SLC29A3: variants seen among roughly 807,000 people sequenced by gnomAD.
SLC29A3 encodes the protein solute carrier family 29 member 3.
Under a neutral mutation model 25.4 loss-of-function variants are expected in SLC29A3, and 18 were observed. That is an observed-to-expected ratio of 0.71 (90% confidence interval 0.49 to 1.05). The LOEUF is 1.05. SLC29A3 is among the 50% of genes least tolerant of loss of function. The pLI is 0.00. For synonymous variants in SLC29A3, 258 were observed against 267.1 expected, an observed-to-expected ratio of 0.97 and a Z score of 0.33; for missense variants, 586 against 609.0, an observed-to-expected ratio of 0.96 and a Z score of 0.40.
At chr10:71,344,090 T>A (rs1335160881) in intron 2 of SLC29A3, 119 bp from the exon 3 acceptor site, 3 of 847,604 alleles carry the variant, frequency 3.5e-6, no homozygotes, top group Admixed American at 1.8e-5. Context: ...CCACGGCTCC[T>A]GGGTGTCTGA....
At chr10:71,328,983 G>A (rs950602520) in intron 2 of SLC29A3, among the ~76,000 whole-genome samples, 1 of 152,212 alleles carries the variant, frequency 6.6e-6, no homozygotes, top group African/African-American at 2.4e-5. Flanking sequence ...GTGTTCAAAG[G>A]AAGCAGGATG....
chr10:71,333,110 C>T (rs1300337904), intron 2 of SLC29A3, among the ~76,000 whole-genome samples: 1 of 152,212 alleles, frequency 6.6e-6, no homozygotes, highest in African/African-American at 2.4e-5. Context: ...TGATTGATAT[C>T]ACAAGTGTCC....
intron 3 of SLC29A3, among the ~76,000 whole-genome samples, chr10:71,347,420 T>C (rs1846620774): frequency 6.6e-6 from 1 of 152,128 alleles, no homozygotes; most frequent in Admixed American, 6.5e-5. Context: ...AGCTGTCCTC[T>C]TGGCCATGCC....
intron 2 of SLC29A3, among the ~76,000 whole-genome samples, chr10:71,332,151 TC>T (rs375161628): frequency 9.9e-5 from 14 of 141,626 alleles, no homozygotes; most frequent in African/African-American, 3.0e-4. Flanking sequence ...TTCTTTTTTT[TC>T]TTTTTTTTTT....
intron 4 of SLC29A3, among the ~76,000 whole-genome samples, chr10:71,376,699 C>A (rs938529678): frequency 1.3e-5 from 2 of 152,190 alleles, no homozygotes; most frequent in Non-Finnish European, 2.9e-5. Flanking sequence ...AGCATAGATT[C>A]AAGTTTCCCT....
chr10:71,337,567 G>T (rs183388681), intron 2 of SLC29A3, among the ~76,000 whole-genome samples: 148 of 152,318 alleles, frequency 9.7e-4, no homozygotes, highest in Middle Eastern at 6.8e-3. Context: ...CTGCTTCCTG[G>T]AGGTGGGGGC....
intron 4 of SLC29A3, among the ~76,000 whole-genome samples, chr10:71,379,342 C>A (rs1036189792): frequency 3.9e-5 from 6 of 152,208 alleles, no homozygotes; most frequent in African/African-American, 1.2e-4. Context: ...GGGAGTCACC[C>A]ATGCTAAAGT....
At chr10:71,342,480 C>T (rs1846435987) in intron 2 of SLC29A3, among the ~76,000 whole-genome samples, 2 of 152,254 alleles carry the variant, frequency 1.3e-5, no homozygotes, top group African/African-American at 2.4e-5. Flanking sequence ...TCAATATCAA[C>T]AAACAGGCAC....
chr10:71,349,566 CTGTGTGGG>C lies in SLC29A3; in HGVS notation c.384-1991_384-1984del, dbSNP rs546566417. 3.9e-5 allele frequency among the ~76,000 whole-genome samples: 6 copies of C among 152,234 alleles called. No individual in the cohort carries two copies. The South Asian group carries it at 8.3e-4, about 21-fold the overall frequency. On this transcript the variant is annotated intron_variant, in intron 3 of 5. Coordinates refer to ENST00000373189, the MANE Select transcript of SLC29A3 (RefSeq NM_018344.6). ...TGCGTCACATGCCTGTTGTTTGTGG[CTGTGTGGG>C]TGTGGGTGTGGGCAACCTGGCTGAC...
Position 71,363,374 on chromosome 10 carries a change from T to C in SLC29A3, c.*766T>C. ...ATTGGTTCAAGGGCGTAATAAATAC[T>C]TGCGTATTCAATGTAAGCCTCATTG... On this transcript the variant is annotated 3_prime_UTR_variant, in exon 6 of 6. Coordinates refer to ENST00000373189, the MANE Select transcript of SLC29A3 (RefSeq NM_018344.6). 2.2e-6 allele frequency: 1 copy of C among 454,110 alleles called. No homozygotes were observed. The highest frequency in any genetic ancestry group is 1.6e-5 in the South Asian group (1 of 64,462). 28.1% of individuals were successfully genotyped at this position (454,110 alleles called of 1,614,324 possible). A position where few individuals can be genotyped will look rare whatever the true frequency, so the allele number is the denominator to read the frequency against.
chr10:71,342,035 T>C (rs1404276787), intron 2 of SLC29A3, among the ~76,000 whole-genome samples: 7 of 152,010 alleles, frequency 4.6e-5, no homozygotes, highest in Non-Finnish European at 2.9e-5. Context: ...ATGTAACACC[T>C]CATGTTTGCT....
chr10:71,362,854 G>T lies in SLC29A3; in HGVS notation c.*246G>T. On this transcript the variant is annotated 3_prime_UTR_variant, in exon 6 of 6. Coordinates refer to ENST00000373189, the MANE Select transcript of SLC29A3 (RefSeq NM_018344.6). ...GTTGAAGAAGAAATAGCACAAATCA[G>T]GGGTACTCCCTTCACAGCTGATGGT... 1.5e-6 allele frequency: 1 copy of T among 675,318 alleles called. No individual in the cohort carries two copies. The highest frequency in any genetic ancestry group is 1.5e-5 in the South Asian group (1 of 66,466). The allele number at this position is 675,318 out of a possible 1,614,324, so 41.8% of individuals were successfully genotyped here.
At chr10:71,371,836 G>A (rs1176387769) in intron 3 of SLC29A3, among the ~76,000 whole-genome samples, 1 of 152,130 alleles carries the variant, frequency 6.6e-6, no homozygotes, top group Non-Finnish European at 1.5e-5. Context: ...TCCTCCCATC[G>A]CCCTTGGAGG....
intron 3 of SLC29A3, among the ~76,000 whole-genome samples, chr10:71,344,779 G>T (rs34297699): frequency 6.6e-6 from 1 of 152,204 alleles, no homozygotes; most frequent in South Asian, 2.1e-4. Flanking sequence ...AGCTAGCTGG[G>T]CAAATTAGCA....
chr10:71,367,184 G>A (rs781684911), downstream of SLC29A3, among the ~76,000 whole-genome samples: 45 of 132,680 alleles, frequency 3.4e-4, no homozygotes, highest in Non-Finnish European at 6.7e-4. Flanking sequence ...ACAAGGGGAG[G>A]CGGGGGGCCA....
intron 2 of SLC29A3, among the ~76,000 whole-genome samples, chr10:71,328,022 G>A (rs781438031): frequency 4.6e-5 from 7 of 152,068 alleles, no homozygotes; most frequent in South Asian, 2.1e-4. Context: ...TTCCTACCCC[G>A]GAGAGAAGAG....
chr10:71,322,892 C>G lies in SLC29A3; in HGVS notation c.138C>G (p.Pro46=), dbSNP rs374417695. 6 of 1,614,236 alleles carry G rather than the reference C, an allele frequency of 3.7e-6. No homozygotes were observed. The East Asian group carries it at 1.3e-4, about 36-fold the overall frequency. The change falls in exon 2 of 6, where the codon CCC becomes CCG. Residue 46 remains proline (P), a synonymous_variant. Coordinates refer to ENST00000373189, the MANE Select transcript of SLC29A3 (RefSeq NM_018344.6). The part of the protein sequence containing the change: ...LDRPPPGLQR[P]EDRFCGTYII... ...GCCCGCCCCCTGGCCTGCAGAGGCC[C>G]GAGGACCGCTTCTGTGGCACATACA...
Position 71,351,695 on chromosome 10 carries a change from G to T in SLC29A3, c.517G>T (p.Val173Leu), listed in dbSNP as rs752487563. The T allele has an allele frequency of 1.9e-6, 3 of 1,614,030 alleles. No individual in the cohort carries two copies. In the Admixed American group the frequency reaches 5.0e-5, roughly 27 times the overall value. ...GFFAVTIVCM[V>L]ILSGASTVFS... ...TTTTGCGGTCACCATTGTCTGCATG[G>T]TGATCCTCAGCGGTGCCTCCACTGT... Residue 173 changes from valine to leucine, a missense_variant, in exon 4 of 6, where the codon GTG (valine) becomes TTG (leucine). By Grantham distance (32) the Val-to-Leu change is conservative. Coordinates refer to ENST00000373189, the MANE Select transcript of SLC29A3 (RefSeq NM_018344.6).
rs561376095 is a variant in SLC29A3, at chr10:71,329,284, C to T, written c.300+6230C>T. Reference sequence around the variant, plus strand: ...CTTGGCACGCTCAGCCCTGGCTGCACATCGGGATCACCTGGGAAGCTTTTA... The same window carrying T: ...CTTGGCACGCTCAGCCCTGGCTGCATATCGGGATCACCTGGGAAGCTTTTA... On this transcript the variant is annotated intron_variant, in intron 2 of 5. Transcript: ENST00000373189. 1.1e-4 allele frequency among the ~76,000 whole-genome samples: 16 copies of T among 152,254 alleles called. No individual in the cohort carries two copies. The South Asian group carries it at 3.1e-3, about 30-fold the overall frequency.
Sources: gnomAD v4.1 joint callset for allele counts (sites outside exome capture counted in the v4.1 genomes callset) on GRCh38, gnomAD v4.1.1 for gene constraint, MANE v1.5 for transcripts, NCBI Gene and HGNC (gene_info 2026-07-23, HGNC 2026-07-21) for gene names.